MDGA2: variants seen among roughly 807,000 people sequenced by gnomAD.
MDGA2 encodes the protein MAM domain containing glycosylphosphatidylinositol anchor 2, also known as MAM domain-containing glycosylphosphatidylinositol anchor protein 2.
Under a neutral mutation model 117.8 loss-of-function variants are expected in MDGA2, and 40 were observed. That is an observed-to-expected ratio of 0.34 (90% CI 0.26 to 0.44). MDGA2 has a LOEUF of 0.44. Ranked by LOEUF, MDGA2 falls within the 20% of genes least tolerant of loss-of-function variation. MDGA2 has a pLI of 1.00. For synonymous variants in MDGA2, 452 were observed against 439.0 expected, an observed-to-expected ratio of 1.03 and a Z score of -0.37; for missense variants, 1,123 against 1,250.6, an observed-to-expected ratio of 0.90 and a Z score of 1.54.
intron 2 of MDGA2, among the ~76,000 whole-genome samples, chr14:47,270,343 A>C (rs1202976568): frequency 6.6e-6 from 1 of 152,170 alleles, no homozygotes; most frequent in East Asian, 1.9e-4. Flanking sequence ...GCGGTTCCAT[A>C]AACTAGAGAC....
chr14:47,309,071 T>C (rs1011179982), intron 1 of MDGA2, among the ~76,000 whole-genome samples: 4 of 152,136 alleles, frequency 2.6e-5, no homozygotes, highest in African/African-American at 9.6e-5. Context: ...TATCCAAACA[T>C]GCACATAAGC....
At chr14:47,535,806 A>G (rs1895198719) in intron 1 of MDGA2, among the ~76,000 whole-genome samples, 1 of 152,228 alleles carries the variant, frequency 6.6e-6, no homozygotes, top group African/African-American at 2.4e-5. Context: ...TCAAAATTTT[A>G]GACACAAATG....
At chr14:47,038,335 A>C (rs1888932567) in intron 7 of MDGA2, among the ~76,000 whole-genome samples, 1 of 152,222 alleles carries the variant, frequency 6.6e-6, no homozygotes. Flanking sequence ...AAGTGGTGTC[A>C]AAAGATAGTA....
rs76951203 is a variant in MDGA2 at position 47,539,136 on chromosome 14, C to T, written c.280+135381G>A. ...CACAAATGGAGTCAGAGCATTGGAGCTTGCTCACCAGCAGAGCAGCAGGAG... is the reference window on the plus strand; with the variant it reads ...CACAAATGGAGTCAGAGCATTGGAGTTTGCTCACCAGCAGAGCAGCAGGAG... On this transcript the variant is annotated intron_variant, in intron 1 of 16. Coordinates refer to ENST00000399232, the MANE Select transcript of MDGA2 (RefSeq NM_001113498.3). 4.6e-3 allele frequency among the ~76,000 whole-genome samples: 698 copies of T among 152,280 alleles called. 4 individuals are homozygous for T. Among genetic ancestry groups the T allele is most frequent in the African/African-American group, 0.016 (649 of 41,556 alleles).
chr14:47,004,842 T>C (rs1400502828), intron 8 of MDGA2, among the ~76,000 whole-genome samples: 1 of 151,708 alleles, frequency 6.6e-6, no homozygotes, highest in Non-Finnish European at 1.5e-5. Context: ...ACATTTTAAA[T>C]GTTTTTAAAA....
intron 3 of MDGA2, among the ~76,000 whole-genome samples, chr14:47,156,405 A>G (rs1883391809): frequency 6.6e-6 from 1 of 152,170 alleles, no homozygotes; most frequent in South Asian, 2.1e-4. Flanking sequence ...AGTTCACTAA[A>G]TTATGGAAGC....
chr14:47,640,222 A>G (rs1010681560), intron 1 of MDGA2, among the ~76,000 whole-genome samples: 1 of 152,140 alleles, frequency 6.6e-6, no homozygotes, highest in African/African-American at 2.4e-5. Context: ...TTACATCTTG[A>G]GTCAAGGATT....
chr14:46,885,569 G>T (rs1196041550), intron 10 of MDGA2, among the ~76,000 whole-genome samples: 1 of 152,076 alleles, frequency 6.6e-6, no homozygotes, highest in African/African-American at 2.4e-5. Flanking sequence ...AACTATTAGG[G>T]CTTTGTATAG....
chr14:46,912,356 A>G lies in MDGA2; in HGVS notation c.2238+7656T>C, dbSNP rs150483660. 8.7e-4 allele frequency among the ~76,000 whole-genome samples: 132 copies of G among 152,192 alleles called. 1 individual carries two copies. Among genetic ancestry groups the G allele is most frequent in the African/African-American group, 3.1e-3 (130 of 41,518 alleles). On this transcript the variant is annotated intron_variant, in intron 10 of 16. Transcript: ENST00000399232. ...CGTTTTTGCTGGAAATTCTATTACT[A>G]CTGTCTTCAGATGAAAAATTTATGC...
At chr14:47,368,900 T>G (rs1891286970) in intron 1 of MDGA2, among the ~76,000 whole-genome samples, 1 of 152,168 alleles carries the variant, frequency 6.6e-6, no homozygotes, top group Non-Finnish European at 1.5e-5. Flanking sequence ...ACTTCCACCA[T>G]TTTTTATGCC....
At chr14:47,584,122 C>T (rs896898660) in intron 1 of MDGA2, among the ~76,000 whole-genome samples, 6 of 151,688 alleles carry the variant, frequency 4.0e-5, no homozygotes, top group Non-Finnish European at 7.4e-5. Context: ...TTTTATAAAA[C>T]GCTTTAATTT....
intron 9 of MDGA2, among the ~76,000 whole-genome samples, chr14:46,952,276 C>A (rs939387093): frequency 2.6e-5 from 4 of 151,836 alleles, no homozygotes; most frequent in Non-Finnish European, 5.9e-5. Flanking sequence ...GGGAAGTCTC[C>A]TCAAAAAGAA....
intron 1 of MDGA2, among the ~76,000 whole-genome samples, chr14:47,638,877 G>T (rs957687484): frequency 6.6e-6 from 1 of 152,026 alleles, no homozygotes; most frequent in Non-Finnish European, 1.5e-5. Flanking sequence ...TCACACAACT[G>T]GGCCCTGGTT....
intron 8 of MDGA2, among the ~76,000 whole-genome samples, chr14:47,031,921 C>G (rs959984195): frequency 2.6e-5 from 4 of 152,192 alleles, no homozygotes; most frequent in African/African-American, 7.2e-5. Flanking sequence ...GCTTCCTATA[C>G]AGCCTGCAAA....
chr14:47,175,776 C>A (rs1415671752), intron 3 of MDGA2, among the ~76,000 whole-genome samples: 2 of 146,342 alleles, frequency 1.4e-5, no homozygotes, highest in African/African-American at 2.6e-5. Context: ...TCCTATTCAA[C>A]ATAGTGTTGG....
chr14:47,364,625 A>G (rs1284017464), intron 1 of MDGA2, among the ~76,000 whole-genome samples: 1 of 152,232 alleles, frequency 6.6e-6, no homozygotes, highest in East Asian at 1.9e-4. Context: ...ATAAGCACCA[A>G]ATAAAGTCTT....
chr14:47,561,475 ATTCTTT>A (rs1895815386), intron 1 of MDGA2, among the ~76,000 whole-genome samples: 2 of 151,970 alleles, frequency 1.3e-5, no homozygotes, highest in Admixed American at 1.3e-4. Flanking sequence ...TAGTTATTTT[ATTCTTT>A]TTCTAAGTTT....
At chr14:47,542,803 G>C (rs1366687419) in intron 1 of MDGA2, among the ~76,000 whole-genome samples, 1 of 152,132 alleles carries the variant, frequency 6.6e-6, no homozygotes, top group African/African-American at 2.4e-5. Context: ...TTTTAGTATT[G>C]TTTTATTTTA....
intron 1 of MDGA2, among the ~76,000 whole-genome samples, chr14:47,350,943 G>A (rs1007169164): frequency 2.0e-5 from 3 of 152,164 alleles, no homozygotes; most frequent in Non-Finnish European, 1.5e-5. Flanking sequence ...ACGGAGTCTC[G>A]CTGCAACACC....
Sources: gnomAD v4.1 joint callset for allele counts (sites outside exome capture counted in the v4.1 genomes callset) on GRCh38, gnomAD v4.1.1 for gene constraint, MANE v1.5 for transcripts, NCBI Gene and HGNC (gene_info 2026-07-23, HGNC 2026-07-21) for gene names.